Variants in ACSM1 observed in about 807,000 individuals in gnomAD.
ACSM1 encodes acyl-coenzyme A synthetase ACSM1, mitochondrial.
Under a neutral mutation model 75.8 loss-of-function variants are expected in ACSM1, and 79 were observed. That is an observed-to-expected ratio of 1.04 (90% confidence interval 0.87 to 1.26). ACSM1 has a LOEUF of 1.26. Ranked by LOEUF, ACSM1 falls within the 50% of genes most tolerant of loss-of-function variation. The pLI is 0.00. For synonymous variants in ACSM1, 279 were observed against 265.8 expected, an observed-to-expected ratio of 1.05 and a Z score of -0.48; for missense variants, 676 against 720.1, an observed-to-expected ratio of 0.94 and a Z score of 0.70.
chr16:20,641,967 A>T (rs1567261594), intron 7 of ACSM1, among the ~76,000 whole-genome samples: 1 of 152,194 alleles, frequency 6.6e-6, no homozygotes, highest in Non-Finnish European at 1.5e-5. Context: ...ATATCCTAAG[A>T]CATGTATTAC....
chr16:20,635,351 C>G (rs1034658358), intron 10 of ACSM1, among the ~76,000 whole-genome samples: 1 of 152,146 alleles, frequency 6.6e-6, no homozygotes, highest in South Asian at 2.1e-4. Context: ...ACTTTAATCA[C>G]GCTCCTGCAC....
At chr16:20,676,956 T>A (rs1001306552) in intron 4 of ACSM1, among the ~76,000 whole-genome samples, 3 of 151,942 alleles carry the variant, frequency 2.0e-5, no homozygotes, top group African/African-American at 7.3e-5. Context: ...ACATAAAGTG[T>A]CAGAAAAAAG....
At chr16:20,670,442 G>T (rs975624149) in intron 5 of ACSM1, among the ~76,000 whole-genome samples, 2 of 152,128 alleles carry the variant, frequency 1.3e-5, no homozygotes, top group African/African-American at 2.4e-5. Context: ...CCTTTAACTG[G>T]TCTTCCCTAA....
At chr16:20,651,813 T>G (rs151310) in intron 7 of ACSM1, among the ~76,000 whole-genome samples, 47,336 of 151,858 alleles carry the variant, frequency 0.31, 8,380 homozygotes, top group East Asian at 0.64. Flanking sequence ...TTTTAGTAAG[T>G]ATCTAGCCAG....
chr16:20,624,242 G>A lies in ACSM1; in HGVS notation c.1528-27C>T, dbSNP rs568622673. 56 of 1,592,546 alleles carry A rather than the reference G, an allele frequency of 3.5e-5. No homozygotes were observed. In the South Asian group the frequency reaches 5.8e-4, roughly 16 times the overall value. ...TGCAGAATGAAGTCATGGGCTCACA[G>A]TGAGTGCCAACCTACTCCATAGCTT... is the stretch of plus-strand genomic sequence containing the variant. On this transcript the variant is annotated intron_variant, in intron 12 of 13. Coordinates refer to ENST00000520010, the MANE Select transcript of ACSM1 (RefSeq NM_001318890.3).
At chr16:20,690,621 C>A (rs1453712559) in intron 2 of ACSM1, among the ~76,000 whole-genome samples, 6 of 152,212 alleles carry the variant, frequency 3.9e-5, no homozygotes, top group African/African-American at 1.2e-4. Flanking sequence ...AGTTTGATGA[C>A]ATGAATACCA....
intron 8 of ACSM1, among the ~76,000 whole-genome samples, chr16:20,638,394 G>A (rs2017853216): frequency 6.6e-6 from 1 of 152,188 alleles, no homozygotes; most frequent in Non-Finnish European, 1.5e-5. Context: ...TTCCATTGCA[G>A]CCCACAGGGC....
intron 12 of ACSM1, 122 bp from the exon 13 acceptor site, chr16:20,624,337 G>C: frequency 8.3e-7 from 1 of 1,199,104 alleles, no homozygotes; most frequent in Middle Eastern, 2.2e-4. Flanking sequence ...TTTGGAAAAG[G>C]AGAGGACCAG....
chr16:20,644,480 C>T (rs2018248042), intron 7 of ACSM1, among the ~76,000 whole-genome samples: 1 of 151,728 alleles, frequency 6.6e-6, no homozygotes, highest in Non-Finnish European at 1.5e-5. Context: ...ACCGACAAGA[C>T]CTAGGAGGAA....
At chr16:20,693,360 C>T (rs564726859) in intron 1 of ACSM1, among the ~76,000 whole-genome samples, 1 of 152,230 alleles carries the variant, frequency 6.6e-6, no homozygotes, top group African/African-American at 2.4e-5. Context: ...GCCAACATGA[C>T]AGCAGGAACC....
chr16:20,689,496 A>C (rs1198895456), intron 2 of ACSM1, among the ~76,000 whole-genome samples: 1 of 152,164 alleles, frequency 6.6e-6, no homozygotes, highest in East Asian at 1.9e-4. Context: ...TAAACTCCCC[A>C]GTCAAAAGAC....
chr16:20,680,077 G>A (rs763837889), intron 4 of ACSM1: 2 of 152,202 alleles, frequency 1.3e-5, no homozygotes, highest in Non-Finnish European at 2.9e-5. Context: ...GTAACATTCA[G>A]TGGTCCACAC....
chr16:20,673,728 G>A (rs1224521633), intron 4 of ACSM1, among the ~76,000 whole-genome samples: 1 of 152,078 alleles, frequency 6.6e-6, no homozygotes, highest in African/African-American at 2.4e-5. Context: ...TTTTCTTGGG[G>A]TCTTAAGTTT....
chr16:20,631,811 G>A (rs1182268794), intron 10 of ACSM1, among the ~76,000 whole-genome samples: 1 of 152,190 alleles, frequency 6.6e-6, no homozygotes, highest in East Asian at 1.9e-4. Flanking sequence ...TGGGAGCTAA[G>A]CTATGAAGGC....
chr16:20,678,179 A>G (rs1269263170), intron 4 of ACSM1, among the ~76,000 whole-genome samples: 4 of 152,170 alleles, frequency 2.6e-5, no homozygotes, highest in Admixed American at 2.6e-4. Flanking sequence ...CCAGAAAAAT[A>G]TCAACTACAT....
chr16:20,642,093 A>C (rs2152220139), intron 7 of ACSM1, among the ~76,000 whole-genome samples: 1 of 152,302 alleles, frequency 6.6e-6, no homozygotes, highest in Non-Finnish European at 1.5e-5. Context: ...AATGGGAGAG[A>C]AATTGACAGA....
chr16:20,659,750 TA>T, intron 7 of ACSM1, among the ~76,000 whole-genome samples: 1 of 152,296 alleles, frequency 6.6e-6, no homozygotes, highest in East Asian at 1.9e-4. Context: ...TTAAGTCCGA[TA>T]AGACACATTT....
intron 4 of ACSM1, among the ~76,000 whole-genome samples, chr16:20,672,471 AATATATAT>A (rs1392857890): frequency 1.9e-3 from 121 of 64,532 alleles, no homozygotes; most frequent in South Asian, 2.8e-3. Flanking sequence ...AAAAAAAAAA[AATATATAT>A]ATATATATAT....
At chr16:20,685,638 G>A (rs2079534292) in intron 2 of ACSM1, among the ~76,000 whole-genome samples, 1 of 151,718 alleles carries the variant, frequency 6.6e-6, no homozygotes, top group Non-Finnish European at 1.5e-5. Context: ...TGACCAACAT[G>A]GTGAAACCCT....
Sources: allele counts gnomAD v4.1 joint callset (sites outside exome capture counted in the v4.1 genomes callset), GRCh38; gene constraint gnomAD v4.1.1; transcripts MANE v1.5; gene names NCBI Gene and HGNC (gene_info 2026-07-23, HGNC 2026-07-21).